Variants in CARMIL2 observed in about 807,000 individuals in gnomAD.
CARMIL2 encodes the protein capping protein regulator and myosin 1 linker 2.
A neutral mutation model predicts 173.3 loss-of-function variants in CARMIL2; 96 were observed. That is an observed-to-expected ratio of 0.55 (90% CI 0.47 to 0.66). The LOEUF is 0.66. CARMIL2 is among the 30% of genes least tolerant of loss of function. CARMIL2 has a pLI of 0.00. For synonymous variants in CARMIL2, 830 were observed against 817.1 expected (o/e 1.02, Z -0.27); for missense variants, 1,771 against 1,906.7 (o/e 0.93, Z 1.33).
rs371663377 is a variant in CARMIL2, at chr16:67,647,660, G to A, written c.872-20G>A. ...CAGCAGGAGGAGGTGAGACCCACGT[G>A]GCTGTTCCCACCCCCCAAGGCATGA... On this transcript the variant is annotated intron_variant, in intron 11 of 37. Transcript: ENST00000334583. The A allele has an allele frequency of 5.0e-6, 8 of 1,599,542 alleles. No homozygotes were observed. The highest frequency in any genetic ancestry group is 6.8e-6 in the Non-Finnish European group (8 of 1,174,010).
rs748239362 is a variant in CARMIL2, at chr16:67,652,345, T to C, written c.2817+6T>C. 1 of 1,613,168 alleles carries C rather than the reference T, an allele frequency of 6.2e-7. No individual in the cohort carries two copies. Among genetic ancestry groups the C allele is most frequent in the East Asian group, 2.2e-5 (1 of 44,876 alleles). On this transcript the variant is annotated splice_donor_region_variant and intron_variant, in intron 27 of 37. Transcript: ENST00000334583. The surrounding 1 kb of genome is among the most constrained non-coding windows in gnomAD (Gnocchi z 4.7). ...AGGAAGAGGAGAAGGAGAAGGTAAG[T>C]GGTTTTAGAACACGGGGCATGGCAC... is the stretch of plus-strand genomic sequence containing the variant.
Position 67,657,203 on chromosome 16 carries a change from T to G in CARMIL2, c.4118-36T>G. ...GCAGGGGATGGACAGACCCCAAGCCTTAGCAACCCACCCCAAGCCTTTCTG... is the reference window on the plus strand; with the variant it reads ...GCAGGGGATGGACAGACCCCAAGCCGTAGCAACCCACCCCAAGCCTTTCTG... On this transcript the variant is annotated intron_variant, in intron 36 of 37. Transcript: ENST00000334583. The surrounding 1 kb of genome is among the most constrained non-coding windows in gnomAD (Gnocchi z 4.5). 1 of 1,600,890 alleles carries G rather than the reference T, an allele frequency of 6.2e-7. No homozygotes were observed. The highest frequency in any genetic ancestry group is 8.5e-7 in the Non-Finnish European group (1 of 1,170,972).
chr16:67,649,777 G>C lies in CARMIL2; in HGVS notation c.1920-29G>C. 3 of 1,600,934 alleles carry C rather than the reference G, an allele frequency of 1.9e-6. No individual in the cohort carries two copies. In the South Asian group the frequency reaches 3.3e-5, roughly 18 times the overall value. On this transcript the variant is annotated intron_variant, in intron 20 of 37. Coordinates refer to ENST00000334583, the MANE Select transcript of CARMIL2 (RefSeq NM_001013838.3). The surrounding 1 kb of genome is among the most constrained non-coding windows in gnomAD (Gnocchi z 6.7). ...GTTGGGTGGGGCGTTGGGAAGCTCC[G>C]TCCCCGACTGAAGCCAGGCCCGGCC...
In CARMIL2 at chr16:67,654,850, A is replaced by T. The variant is rs1226859630; in HGVS notation, c.3655A>T (p.Arg1219Trp). The T allele has an allele frequency of 6.2e-7, 1 of 1,613,724 alleles. No individual in the cohort carries two copies. The highest frequency in any genetic ancestry group is 1.7e-5 in the Admixed American group (1 of 60,034). Residue 1219 changes from arginine to tryptophan, a missense_variant, in exon 32 of 38, where the codon AGG becomes TGG. By Grantham distance (101) the Arg-to-Trp change is moderately radical. This residue lies in a region of CARMIL2 where 817 missense variants were observed against 903.5 expected (regional missense o/e 0.90). Coordinates refer to ENST00000334583, the MANE Select transcript of CARMIL2 (RefSeq NM_001013838.3). The part of the protein sequence containing the change: ...FEQRVQVMLQ[R>W]IGVSRGSGGA... ...ACAGCGGGTACAAGTAATGCTGCAGAGGATAGGCGTCAGCCGAGGCAGCGG... is the reference window on the plus strand; with the variant it reads ...ACAGCGGGTACAAGTAATGCTGCAGTGGATAGGCGTCAGCCGAGGCAGCGG...
chr16:67,656,724 AG>A, intron 35 of CARMIL2, 76 bp from the exon 36 acceptor site: 1 of 1,563,614 alleles, frequency 6.4e-7, no homozygotes, highest in Non-Finnish European at 8.7e-7. Context: ...AGCTCCTCTA[AG>A]GACCCTGAGG....
In CARMIL2 at chr16:67,646,579, G is replaced by A. The variant is rs978711887; in HGVS notation, c.466+62G>A. The A allele has an allele frequency of 7.0e-6, 11 of 1,580,078 alleles. No homozygotes were observed. Among genetic ancestry groups the A allele is most frequent in the Non-Finnish European group, 7.8e-6 (9 of 1,153,556 alleles). Reference sequence around the variant, plus strand: ...GCCCCACCTCTGCCTCCCCAGACCCGCAAGCTGGGGGGGCCCCAAACTGAA... The same window carrying A: ...GCCCCACCTCTGCCTCCCCAGACCCACAAGCTGGGGGGGCCCCAAACTGAA... On this transcript the variant is annotated intron_variant, in intron 6 of 37. Transcript: ENST00000334583. The surrounding 1 kb of genome is among the most constrained non-coding windows in gnomAD (Gnocchi z 4.6).
chr16:67,647,831 C>G lies in CARMIL2; in HGVS notation c.959-15C>G, dbSNP rs2052627471. ...GGGTCTGTCCAACTGCTGAGTGACC[C>G]CGACCCACCACCAGGAATGAGGGCT... On this transcript the variant is annotated splice_polypyrimidine_tract_variant and intron_variant, in intron 12 of 37. Transcript: ENST00000334583. 1.2e-6 allele frequency: 2 copies of G among 1,600,160 alleles called. No individual in the cohort carries two copies. Among genetic ancestry groups the G allele is most frequent in the Non-Finnish European group, 1.7e-6 (2 of 1,174,490 alleles).
chr16:67,645,477 A>G, intron 1 of CARMIL2, 63 bp from the exon 2 acceptor site: 1 of 1,461,344 alleles, frequency 6.8e-7, no homozygotes, highest in Admixed American at 2.0e-5. Context: ...CCTGGCACAG[A>G]CTGTGGGCAC....
chr16:67,654,958 A>G (rs201760489), intron 32 of CARMIL2, 58 bp downstream of exon 32: 335 of 1,600,770 alleles, frequency 2.1e-4, no homozygotes, highest in Middle Eastern at 1.7e-4. Context: ...TGTGGGTGAC[A>G]TAAGTGACCA....
intron 21 of CARMIL2, 28 bp from the exon 22 acceptor site, chr16:67,650,021 G>C (rs375786958): frequency 1.2e-6 from 2 of 1,613,284 alleles, no homozygotes; most frequent in Non-Finnish European, 8.5e-7. Flanking sequence ...TCCGTCCCTC[G>C]GCATTTCTCA....
At position 67,652,659 on chromosome 16, in the gene CARMIL2, T is replaced by A; in HGVS notation, c.2884+121T>A. On this transcript the variant is annotated intron_variant, in intron 28 of 37. Transcript: ENST00000334583. The surrounding 1 kb of genome is among the most constrained non-coding windows in gnomAD (Gnocchi z 4.7). The stretch of plus-strand genomic sequence containing the variant: ...GTCTGGGTACCCACCAGCCCTTGAC[T>A]GGGCCAGGTCGGGCCCCTTGTGCAA... 9.9e-7 allele frequency: 1 copy of A among 1,007,634 alleles called. No individual in the cohort carries two copies. Among genetic ancestry groups the A allele is most frequent in the Non-Finnish European group, 1.5e-6 (1 of 674,358 alleles). The allele number at this position is 1,007,634 out of a possible 1,614,324, so 62.4% of individuals were successfully genotyped here. A position where few individuals can be genotyped will look rare whatever the true frequency, so the allele number is the denominator to read the frequency against.
In CARMIL2 at chr16:67,657,421, C is replaced by G. The variant is rs201307895; in HGVS notation, c.4211C>G (p.Thr1404Ser). The part of the protein sequence containing the change: ...PSPSLGSGLG[T>S]EPLPPQPTEP... ...CCCCTCACAGGATCTGGCCTTGGAACCGAGCCTCTGCCCCCACAGCCCACA... is the reference window on the plus strand; with the variant it reads ...CCCCTCACAGGATCTGGCCTTGGAAGCGAGCCTCTGCCCCCACAGCCCACA... Residue 1404 changes from threonine to serine, a missense_variant, in exon 38 of 38, where the codon ACC becomes AGC. Transcript: ENST00000334583. This position sits in a 1 kb window ranked among gnomAD's most constrained non-coding sequence, Gnocchi z 4.5. 2 of 1,606,300 alleles carry G rather than the reference C, an allele frequency of 1.2e-6. No individual in the cohort carries two copies. The highest frequency in any genetic ancestry group is 1.3e-5 in the African/African-American group (1 of 74,676).
Position 67,648,283 on chromosome 16 carries a change from C to G in CARMIL2, c.1303C>G (p.Leu435Val). The G allele has an allele frequency of 6.3e-7, 1 of 1,595,306 alleles. No individual in the cohort carries two copies. ...AGGCTGCTGCACCAGCCTTACCCAC[C>G]TCGACGCTTCGAGGAACGTCTTCTC... Reference protein sequence around the residue: ...SRGCCTSLTHLDASRNVFSRT... With the variant: ...SRGCCTSLTHVDASRNVFSRT... The change falls in exon 14 of 38, where the codon CTC becomes GTC. Residue 435 changes from leucine (L) to valine (V), a missense_variant. Leu to Val is a conservative substitution (Grantham distance 32). This residue lies in a region of CARMIL2 where 944 missense variants were observed against 975.6 expected (regional missense o/e 0.97). Coordinates refer to ENST00000334583, the MANE Select transcript of CARMIL2 (RefSeq NM_001013838.3). The surrounding 1 kb of genome is among the most constrained non-coding windows in gnomAD (Gnocchi z 6.1).
At position 67,647,564 on chromosome 16, in the gene CARMIL2, G is replaced by A. The variant is rs371235689; in HGVS notation, c.833G>A (p.Arg278Gln). 193 of 1,611,162 alleles carry A rather than the reference G, an allele frequency of 1.2e-4. 1 individual carries two copies. The highest frequency in any genetic ancestry group is 1.1e-3 in the Admixed American group (65 of 59,634). ...GCGGGACACTCAAGCTCTGGGCTGC[G>A]GGAGCTCAGCCTCGCGGGGAACCTG... ...ALAGHSSSGL[R>Q]ELSLAGNLLD... The change falls in exon 11 of 38, where the codon CGG becomes CAG. Residue 278 changes from arginine to glutamine, a missense_variant. Physicochemically the swap from Arg to Gln is conservative, Grantham distance 43. Transcript: ENST00000334583.
Position 67,648,074 on chromosome 16 carries a change from G to A in CARMIL2, c.1094G>A (p.Arg365His), listed in dbSNP as rs374694805. ...CAGGGCCTCTATAGCTTCCTGAGCC[G>A]TCCTAACGTACTGTCGTTCCTGAAT... ...DSGGLYSFLS[R>H]PNVLSFLNLA... The change falls in exon 14 of 38, where the codon CGT becomes CAT. Residue 365 changes from arginine to histidine, a missense_variant. Arg to His is a conservative substitution (Grantham distance 29, BLOSUM62 0). Around this residue, in one of 3 missense-constraint regions of CARMIL2, gnomAD observed 944 missense variants for 975.6 expected, o/e 0.97. Coordinates refer to ENST00000334583, the MANE Select transcript of CARMIL2 (RefSeq NM_001013838.3). This position sits in a 1 kb window ranked among gnomAD's most constrained non-coding sequence, Gnocchi z 6.1. The A allele has an allele frequency of 1.9e-5, 30 of 1,612,306 alleles. No individual in the cohort carries two copies. The African/African-American group carries it at 3.5e-4, about 19-fold the overall frequency.
chr16:67,653,005 TG>T lies in CARMIL2; in HGVS notation c.2885-13del. 1 of 1,256,618 alleles carries T rather than the reference TG, an allele frequency of 8.0e-7. No individual in the cohort carries two copies. The highest frequency in any genetic ancestry group is 1.0e-6 in the Non-Finnish European group (1 of 977,466). The allele number at this position is 1,256,618 out of a possible 1,614,324, so 77.8% of individuals were successfully genotyped here. On this transcript the variant is annotated splice_polypyrimidine_tract_variant and intron_variant, in intron 28 of 37. Transcript: ENST00000334583. This position sits in a 1 kb window ranked among gnomAD's most constrained non-coding sequence, Gnocchi z 7.4. ...GGCTCGGCGCTCGGTGCTCTTCTGG[TG>T]CTGTCCCCTCAGGTGCTGCTGAGGA...
At chr16:67,655,970 A>G (rs1383111838) in intron 32 of CARMIL2, 61 bp from the exon 33 acceptor site, 2 of 1,546,052 alleles carry the variant, frequency 1.3e-6, no homozygotes, top group African/African-American at 2.7e-5. Flanking sequence ...ACAAGAACGA[A>G]CAAAAGGCTA....
Position 67,649,162 on chromosome 16 carries a change from G to A in CARMIL2, c.1678G>A (p.Val560Ile), listed in dbSNP as rs764121523. Residue 560 changes from valine to isoleucine, a missense_variant, in exon 18 of 38, where the codon GTC becomes ATC. Val to Ile is a conservative substitution (Grantham distance 29). This residue lies in a region of CARMIL2 where 944 missense variants were observed against 975.6 expected (regional missense o/e 0.97). Transcript: ENST00000334583. The surrounding 1 kb of genome is among the most constrained non-coding windows in gnomAD (Gnocchi z 6.7). ...RHVALGRNFN[V>I]RCKETLDDVL... ...TGTGGCGCTTGGAAGGAACTTCAAC[G>A]TCCGGTGCAAGTGAGCCCCCACCCT... is the stretch of plus-strand genomic sequence containing the variant. 8.1e-6 allele frequency: 13 copies of A among 1,613,396 alleles called. No individual in the cohort carries two copies. The South Asian group carries it at 1.3e-4, about 16-fold the overall frequency.
rs2052728397 is a variant in CARMIL2, at chr16:67,651,808, C to G, written c.2551C>G (p.Pro851Ala). The G allele has an allele frequency of 3.1e-6, 5 of 1,611,348 alleles. No individual in the cohort carries two copies. The highest frequency in any genetic ancestry group is 1.3e-5 in the African/African-American group (1 of 74,874). ...AGSRGLPELL[P>A]EQLLQDAFTR... is the part of the protein sequence containing the mutation. Reference sequence around the variant, plus strand: ...CTCGAGGGGCCTCCCGGAGCTGCTCCCAGAGCAGCTGCTGCAAGATGCCTT... The same window carrying G: ...CTCGAGGGGCCTCCCGGAGCTGCTCGCAGAGCAGCTGCTGCAAGATGCCTT... The change falls in exon 25 of 38, where the codon CCA (proline) becomes GCA (alanine). Residue 851 changes from proline (P) to alanine (A), a missense_variant. Transcript: ENST00000334583. This position sits in a 1 kb window ranked among gnomAD's most constrained non-coding sequence, Gnocchi z 4.2.
Sources: gnomAD v4.1 joint callset for allele counts on GRCh38, gnomAD v4.1.1 for gene constraint, gnomAD v4.1.1 regional missense constraint, Gnocchi (gnomAD v3.1) non-coding constraint, MANE v1.5 for transcripts, NCBI Gene and HGNC (gene_info 2026-07-23, HGNC 2026-07-21) for gene names.